PDLIM3: variants seen among roughly 807,000 people sequenced by gnomAD.
The protein encoded by PDLIM3 is PDZ and LIM domain protein 3.
In PDLIM3, 36 loss-of-function variants were observed where a neutral mutation model predicts 37.3. That is an observed-to-expected ratio of 0.97 (90% CI 0.74 to 1.28). The LOEUF is 1.28. PDLIM3 is among the 50% of genes most tolerant of loss of function. The pLI, the probability that PDLIM3 is intolerant of heterozygous loss-of-function variation, is 0.00. For synonymous variants in PDLIM3, 174 were observed against 182.4 expected (o/e 0.95, Z 0.37); for missense variants, 454 against 485.0 (o/e 0.94, Z 0.60).
chr4:185,523,628 T>G (rs970766683), intron 2 of PDLIM3, among the ~76,000 whole-genome samples, 182 bp from the exon 3 acceptor site: 7 of 150,880 alleles, frequency 4.6e-5, no homozygotes, highest in African/African-American at 1.7e-4. Flanking sequence ...CCCCCCCTTT[T>G]TTTTTCTTTT....
chr4:185,503,944 T>C (rs1220558911), intron 7 of PDLIM3, among the ~76,000 whole-genome samples: 2 of 152,214 alleles, frequency 1.3e-5, no homozygotes, highest in Non-Finnish European at 2.9e-5. Flanking sequence ...CAGGGCTCTA[T>C]CTCTGAATAA....
chr4:185,514,049 A>G lies in PDLIM3; in HGVS notation c.398+221T>C. On this transcript the variant is annotated intron_variant, in intron 4 of 7. Coordinates refer to ENST00000284767, the MANE Select transcript of PDLIM3 (RefSeq NM_014476.6). The surrounding 1 kb of genome is among the most constrained non-coding windows in gnomAD (Gnocchi z 4.0). ...CTATAAATACACGTGGTGATTGCAT[A>G]CAATTTCACAGCTCTGTCATCTTGT... 1 of 1,434,378 alleles carries G rather than the reference A, an allele frequency of 7.0e-7. No homozygotes were observed. Among genetic ancestry groups the G allele is most frequent in the Non-Finnish European group, 9.1e-7 (1 of 1,095,946 alleles). The allele number at this position is 1,434,378 out of a possible 1,614,324, so 88.9% of individuals were successfully genotyped here.
At chr4:185,525,193 T>C (rs777255824) in intron 1 of PDLIM3, 22 bp from the exon 2 acceptor site, 13 of 1,613,316 alleles carry the variant, frequency 8.1e-6, no homozygotes, top group Non-Finnish European at 1.0e-5. Context: ...CATGGCACTA[T>C]TTAAAAACCA....
At chr4:185,517,376 T>TA (rs1554038879) in intron 3 of PDLIM3, 2 of 138,464 alleles carry the variant, frequency 1.4e-5, no homozygotes, top group South Asian at 2.1e-4. Flanking sequence ...TTTTTTTTTT[T>TA]AAAGAAAGTA....
intron 7 of PDLIM3, among the ~76,000 whole-genome samples, chr4:185,503,128 G>A (rs923315742): frequency 2.0e-5 from 3 of 152,212 alleles, no homozygotes; most frequent in Admixed American, 6.5e-5. Flanking sequence ...GGAGGCTGAG[G>A]CAGGAGAATG....
At chr4:185,502,998 C>T (rs529281589) in intron 7 of PDLIM3, among the ~76,000 whole-genome samples, 10 of 152,136 alleles carry the variant, frequency 6.6e-5, no homozygotes, top group South Asian at 4.1e-4. Context: ...GAGGCCAAGG[C>T]GGGCAGATCA....
chr4:185,512,723 T>A (rs1363411787), intron 4 of PDLIM3: 3 of 985,164 alleles, frequency 3.0e-6, no homozygotes, highest in Non-Finnish European at 3.6e-6. Flanking sequence ...CACACTAACC[T>A]GAAAAGAATG....
Position 185,514,225 on chromosome 4 carries a change from T to A in PDLIM3, c.398+45A>T, listed in dbSNP as rs564228319. ...TTCTTGATGATTAGTAAGAACTGAT[T>A]TAAGAAGCATGCACTGCAAACTCCA... On this transcript the variant is annotated intron_variant, in intron 4 of 7. Transcript: ENST00000284767. The surrounding 1 kb of genome is among the most constrained non-coding windows in gnomAD (Gnocchi z 4.0). 6.2e-7 allele frequency: 1 copy of A among 1,614,098 alleles called. No homozygotes were observed. The highest frequency in any genetic ancestry group is 2.2e-5 in the East Asian group (1 of 44,882).
At chr4:185,503,063 TAA>T (rs777624459) in intron 7 of PDLIM3, among the ~76,000 whole-genome samples, 89 of 151,748 alleles carry the variant, frequency 5.9e-4, no homozygotes, top group Non-Finnish European at 1.0e-3. Flanking sequence ...CCATCTCTAC[TAA>T]AAAAATACAA....
intron 6 of PDLIM3, among the ~76,000 whole-genome samples, chr4:185,505,535 C>T (rs1163769385): frequency 6.6e-6 from 1 of 151,890 alleles, no homozygotes; most frequent in African/African-American, 2.4e-5. Context: ...GCAGAAGAAT[C>T]ACTTGAACCC....
chr4:185,512,030 G>A (rs2095707350), intron 4 of PDLIM3: 1 of 151,302 alleles, frequency 6.6e-6, no homozygotes, highest in Admixed American at 6.6e-5. Context: ...AAATTCAGAA[G>A]TTATAGCAAA....
chr4:185,511,643 G>A (rs1441309284), intron 4 of PDLIM3, among the ~76,000 whole-genome samples: 1 of 152,134 alleles, frequency 6.6e-6, no homozygotes, highest in East Asian at 1.9e-4. Flanking sequence ...CTACAAGTGT[G>A]AGCCGCCATG....
Position 185,520,531 on chromosome 4 carries a change from A to G in PDLIM3, c.330+2831T>C, listed in dbSNP as rs1437688099. ...AAATGTAGGACACAAGGGCTAATAC[A>G]TGCTTGACAAGAGGTCAGAGTATTT... On this transcript the variant is annotated intron_variant, in intron 3 of 7. Coordinates refer to ENST00000284767, the MANE Select transcript of PDLIM3 (RefSeq NM_014476.6). 7.8e-5 allele frequency among the ~76,000 whole-genome samples: 2 copies of G among 25,518 alleles called. 1 individual carries two copies. Among genetic ancestry groups the G allele is most frequent in the African/African-American group, 9.0e-5 (2 of 22,124 alleles). The allele number at this position is 25,518 out of a possible 152,430, so 16.7% of individuals were successfully genotyped here.
At chr4:185,524,137 G>T (rs1268916895) in intron 2 of PDLIM3, among the ~76,000 whole-genome samples, 1 of 152,096 alleles carries the variant, frequency 6.6e-6, no homozygotes, top group Admixed American at 6.6e-5. Flanking sequence ...GACAGTGAGT[G>T]ATCTGCCAGG....
At chr4:185,515,274 T>C (rs190782710) in intron 3 of PDLIM3, 2 of 154,862 alleles carry the variant, frequency 1.3e-5, no homozygotes, top group East Asian at 1.9e-4. Flanking sequence ...TTTTCTCAAG[T>C]AGAATTTACA....
rs1440300375 is a variant in PDLIM3 at position 185,521,730 on chromosome 4, G to C, written c.330+1632C>G. On this transcript the variant is annotated intron_variant, in intron 3 of 7. Transcript: ENST00000284767. The stretch of plus-strand genomic sequence containing the variant: ...AGATTACTTTCCATGCAACAGCTGA[G>C]AGTGATGGCAGAACACCATTTTGAG... Among the ~76,000 whole-genome samples, 2 of 66,054 alleles carry C rather than the reference G, an allele frequency of 3.0e-5. 1 individual carries two copies. The highest frequency in any genetic ancestry group is 5.5e-5 in the African/African-American group (2 of 36,374). 43.3% of individuals were successfully genotyped at this position (66,054 alleles called of 152,430 possible). A position where few individuals can be genotyped will look rare whatever the true frequency, so the allele number is the denominator to read the frequency against.
At chr4:185,534,827 C>A (rs1294728096) in intron 1 of PDLIM3, among the ~76,000 whole-genome samples, 1 of 152,170 alleles carries the variant, frequency 6.6e-6, no homozygotes, top group Non-Finnish European at 1.5e-5. Flanking sequence ...CCAGTTTGGC[C>A]AACGCAGGTC....
At chr4:185,513,764 T>C (rs2095710339) in intron 4 of PDLIM3, 1 of 1,031,706 alleles carries the variant, frequency 9.7e-7, no homozygotes, top group Non-Finnish European at 1.2e-6. Flanking sequence ...TCTTTCCCCT[T>C]AGGTTGGAGT....
Position 185,508,461 on chromosome 4 carries a change from G to A in PDLIM3, c.500C>T (p.Ala167Val), listed in dbSNP as rs371228193. 5.0e-6 allele frequency: 8 copies of A among 1,614,176 alleles called. No homozygotes were observed. The highest frequency in any genetic ancestry group is 3.3e-5 in the Admixed American group (2 of 60,016). ...AGGAATGTTAGGGGCCAGCTTAGCC[G>A]CAACTTTCAAGTCACCTGGGCAAAT... ...STICPGDLKVAAKLAPNIPLE... is the reference protein window; with the variant it reads ...STICPGDLKVVAKLAPNIPLE... Residue 167 changes from alanine (A) to valine (V), a missense_variant, in exon 5 of 8, where the codon GCG becomes GTG. Ala to Val is a moderately conservative substitution (Grantham distance 64, BLOSUM62 0). Coordinates refer to ENST00000284767, the MANE Select transcript of PDLIM3 (RefSeq NM_014476.6).
Sources: allele counts gnomAD v4.1 joint callset (sites outside exome capture counted in the v4.1 genomes callset), GRCh38; gene constraint gnomAD v4.1.1; non-coding constraint Gnocchi (gnomAD v3.1); transcripts MANE v1.5; gene names NCBI Gene and HGNC (gene_info 2026-07-23, HGNC 2026-07-21).